Variants in DPP10 observed in about 807,000 individuals in gnomAD.
DPP10 encodes the protein inactive dipeptidyl peptidase 10.
DPP10 carries 33 observed loss-of-function variants against 120.9 expected under a neutral mutation model. That is an observed-to-expected ratio of 0.27 (90% CI 0.21 to 0.37). The LOEUF (loss-of-function observed/expected upper bound fraction) is 0.37, where lower values mean the gene tolerates loss of function less well. Among genes scored for constraint, DPP10 ranks in the 10% least tolerant of loss-of-function variants. The probability of loss-of-function intolerance (pLI) is 1.00; values close to 1 mark genes in which losing one functional copy is unlikely to be tolerated. For synonymous variants in DPP10, 337 were observed against 326.1 expected (o/e 1.03, Z -0.36); for missense variants, 816 against 942.8 (o/e 0.87, Z 1.76).
intron 5 of DPP10, among the ~76,000 whole-genome samples, chr2:115,672,404 C>T (rs756385142): frequency 9.9e-5 from 15 of 151,690 alleles, no homozygotes; most frequent in Non-Finnish European, 2.1e-4. Context: ...TAAATCATTT[C>T]TAGATAGTTA....
Position 114,924,264 on chromosome 2 carries a change from G to A in DPP10, c.61-384975G>A, listed in dbSNP as rs536090107. Among the ~76,000 whole-genome samples, 3 of 152,206 alleles carry A rather than the reference G, an allele frequency of 2.0e-5. No homozygotes were observed. In the South Asian group the frequency reaches 6.2e-4, roughly 32 times the overall value. On this transcript the variant is annotated intron_variant, in intron 1 of 25. Coordinates refer to ENST00000410059, the MANE Select transcript of DPP10 (RefSeq NM_020868.6). Reference sequence around the variant, plus strand: ...TACTTTGTAAAATGGTCTTGCTCACGCCTGTAATCCTAGCACTTTGGGAGG... The same window carrying A: ...TACTTTGTAAAATGGTCTTGCTCACACCTGTAATCCTAGCACTTTGGGAGG...
intron 1 of DPP10, among the ~76,000 whole-genome samples, chr2:114,469,242 T>C (rs1285070908): frequency 6.6e-6 from 1 of 152,188 alleles, no homozygotes; most frequent in Non-Finnish European, 1.5e-5. Context: ...AAATGTAGGA[T>C]GGGTACAGGA....
At chr2:114,579,530 A>G (rs1420218923) in intron 1 of DPP10, among the ~76,000 whole-genome samples, 3 of 152,226 alleles carry the variant, frequency 2.0e-5, no homozygotes, top group African/African-American at 7.2e-5. Flanking sequence ...AGCCCCTAAG[A>G]GAACCTTTTA....
intron 1 of DPP10, among the ~76,000 whole-genome samples, chr2:115,011,912 C>T (rs912176416): frequency 6.6e-6 from 1 of 151,726 alleles, no homozygotes; most frequent in Non-Finnish European, 1.5e-5. Context: ...CACTGGTTGC[C>T]TGGAAATAGA....
chr2:115,235,621 G>A (rs2057959070), intron 1 of DPP10, among the ~76,000 whole-genome samples: 1 of 152,082 alleles, frequency 6.6e-6, no homozygotes, highest in Non-Finnish European at 1.5e-5. Context: ...GAGTGCAGTG[G>A]TGCAATCCCA....
chr2:115,092,110 T>C (rs1317131357), intron 1 of DPP10, among the ~76,000 whole-genome samples: 1 of 152,170 alleles, frequency 6.6e-6, no homozygotes, highest in Non-Finnish European at 1.5e-5. Context: ...ATTTTTAAAA[T>C]AAAGAAACTG....
intron 1 of DPP10, among the ~76,000 whole-genome samples, chr2:115,195,509 A>G (rs532804146): frequency 6.6e-6 from 1 of 152,042 alleles, no homozygotes; most frequent in South Asian, 2.1e-4. Flanking sequence ...ACATATTCAC[A>G]CTCTCAAGCC....
At chr2:115,336,575 C>G (rs960561873) in intron 2 of DPP10, among the ~76,000 whole-genome samples, 31 of 149,548 alleles carry the variant, frequency 2.1e-4, no homozygotes, top group Non-Finnish European at 1.9e-4. Context: ...CTCTCTCTCT[C>G]TCTCTCTGTC....
intron 3 of DPP10, among the ~76,000 whole-genome samples, chr2:115,356,824 C>T (rs1212234945): frequency 1.3e-5 from 2 of 152,140 alleles, no homozygotes; most frequent in Non-Finnish European, 2.9e-5. Flanking sequence ...AAGGGTGCTA[C>T]AATGAACATA....
chr2:114,480,225 T>C (rs1161740300), intron 1 of DPP10, among the ~76,000 whole-genome samples: 4 of 150,852 alleles, frequency 2.7e-5, no homozygotes, highest in Non-Finnish European at 5.9e-5. Context: ...GGAGAGGATG[T>C]GGAGAAATAG....
chr2:114,824,769 T>C (rs1441470299), intron 1 of DPP10, among the ~76,000 whole-genome samples: 1 of 152,228 alleles, frequency 6.6e-6, no homozygotes, highest in African/African-American at 2.4e-5. Context: ...CTTTGTCTTT[T>C]AACAATTACA....
At chr2:115,227,768 A>G (rs1399550716) in intron 1 of DPP10, among the ~76,000 whole-genome samples, 2 of 152,172 alleles carry the variant, frequency 1.3e-5, no homozygotes, top group East Asian at 1.9e-4. Flanking sequence ...TTAATGCAGA[A>G]TAGTATCCCA....
chr2:114,729,690 G>T (rs570091355), intron 1 of DPP10, among the ~76,000 whole-genome samples: 1 of 152,326 alleles, frequency 6.6e-6, no homozygotes, highest in East Asian at 1.9e-4. Flanking sequence ...TGATTCCAGT[G>T]CTGGCTTACA....
At chr2:115,793,333 T>A (rs1684197403) in intron 19 of DPP10, among the ~76,000 whole-genome samples, 1 of 152,104 alleles carries the variant, frequency 6.6e-6, no homozygotes, top group Admixed American at 6.6e-5. Flanking sequence ...GGGATAATAT[T>A]TCTATTTAAA....
At chr2:114,491,596 G>A (rs1309881127) in intron 1 of DPP10, among the ~76,000 whole-genome samples, 1 of 152,110 alleles carries the variant, frequency 6.6e-6, no homozygotes, top group Non-Finnish European at 1.5e-5. Context: ...AGCAGAAGTG[G>A]TTCATTTCCA....
At chr2:115,067,305 G>T (rs1230836558) in intron 1 of DPP10, among the ~76,000 whole-genome samples, 1 of 151,882 alleles carries the variant, frequency 6.6e-6, no homozygotes, top group African/African-American at 2.4e-5. Flanking sequence ...AGGCTGGAGT[G>T]CGGTGGCGCC....
At chr2:114,764,558 A>G (rs1485715813) in intron 1 of DPP10, among the ~76,000 whole-genome samples, 2 of 152,040 alleles carry the variant, frequency 1.3e-5, no homozygotes, top group Non-Finnish European at 2.9e-5. Context: ...TGGCATTTCT[A>G]TTTGATGAAA....
chr2:115,536,718 T>C (rs1401264687), intron 5 of DPP10, among the ~76,000 whole-genome samples: 2 of 152,022 alleles, frequency 1.3e-5, no homozygotes, highest in Non-Finnish European at 2.9e-5. Context: ...CAAAATTATT[T>C]ATGGATAGGA....
At chr2:115,525,821 AT>A (rs377482845) in intron 4 of DPP10, 76 bp from the exon 5 acceptor site, 375 of 1,098,832 alleles carry the variant, frequency 3.4e-4, no homozygotes, top group South Asian at 1.0e-3. Flanking sequence ...ATGAAAATTG[AT>A]TTTTTTTTAC....
Sources: allele counts gnomAD v4.1 joint callset (sites outside exome capture counted in the v4.1 genomes callset), GRCh38; gene constraint gnomAD v4.1.1; transcripts MANE v1.5; gene names NCBI Gene and HGNC (gene_info 2026-07-23, HGNC 2026-07-21).